MSH4: variants seen among roughly 807,000 people sequenced by gnomAD.
MSH4 encodes mutS homolog 4, also known as mutS protein homolog 4.
In MSH4, 106 loss-of-function variants were observed where a neutral mutation model predicts 113.7. The observed-to-expected ratio is 0.93, with a 90% CI of 0.80 to 1.10. The LOEUF (loss-of-function observed/expected upper bound fraction) is 1.10, where lower values mean the gene tolerates loss of function less well. MSH4 is among the 50% of genes least tolerant of loss of function. MSH4 has a pLI of 0.00. For missense variants in MSH4, 1,061 were observed against 1,093.7 expected, an observed-to-expected ratio of 0.97 and a Z score of 0.42; for synonymous variants, 368 against 380.2, an observed-to-expected ratio of 0.97 and a Z score of 0.37.
chr1:75,821,823 G>T (rs79835994), intron 6 of MSH4, among the ~76,000 whole-genome samples: 33,875 of 152,032 alleles, frequency 0.22, 4,398 homozygotes, highest in Middle Eastern at 0.35. Flanking sequence ...GTCCATGCTG[G>T]TCTTGAACTC....
At chr1:75,836,823 G>A (rs1035777167) in intron 7 of MSH4, among the ~76,000 whole-genome samples, 2 of 151,924 alleles carry the variant, frequency 1.3e-5, no homozygotes, top group Non-Finnish European at 2.9e-5. Context: ...AAATGCTATG[G>A]CTCTTCAAAG....
At chr1:75,883,520 CAGTGTGAAAAT>C in intron 14 of MSH4, 90 bp from the exon 15 acceptor site, 1 of 874,106 alleles carries the variant, frequency 1.1e-6, no homozygotes, top group Non-Finnish European at 1.7e-6. Flanking sequence ...CCAAATTGAC[CAGTGTGAAAAT>C]CACTAAGATA....
chr1:75,898,006 A>T lies in MSH4; in HGVS notation c.2455A>T (p.Asn819Tyr), dbSNP rs764749685. 6.2e-7 allele frequency: 1 copy of T among 1,608,090 alleles called. No individual in the cohort carries two copies. Among genetic ancestry groups the T allele is most frequent in the South Asian group, 1.1e-5 (1 of 89,660 alleles). The change falls in exon 18 of 20, where the codon AAT (asparagine) becomes TAT (tyrosine). Residue 819 changes from asparagine (N) to tyrosine (Y), a missense_variant. Physicochemically the swap from Asn to Tyr is moderately radical, Grantham distance 143. Transcript: ENST00000263187. The stretch of plus-strand genomic sequence containing the variant: ...GCATTTTGAAGTTCAACATGTAAAG[A>T]ATACCTCAAGAAATAAAGAAGCAAT... ...NMHFEVQHVK[N>Y]TSRNKEAILY...
At chr1:75,802,338 T>G (rs1216847413) in intron 1 of MSH4, among the ~76,000 whole-genome samples, 1 of 152,088 alleles carries the variant, frequency 6.6e-6, no homozygotes, top group African/African-American at 2.4e-5. Flanking sequence ...GAGGGAAAGC[T>G]TAAAAGTATG....
chr1:75,822,726 A>T (rs1650449535), intron 7 of MSH4, 145 bp downstream of exon 7: 2 of 439,068 alleles, frequency 4.6e-6, no homozygotes, highest in Non-Finnish European at 7.8e-6. Flanking sequence ...GAAATTTTCT[A>T]CTGAGTCCTG....
At chr1:75,842,905 C>T (rs1650993579) in intron 7 of MSH4, among the ~76,000 whole-genome samples, 1 of 152,216 alleles carries the variant, frequency 6.6e-6, no homozygotes, top group African/African-American at 2.4e-5. Flanking sequence ...CCACAGTTAT[C>T]CGGAGGCCTA....
intron 8 of MSH4, among the ~76,000 whole-genome samples, chr1:75,857,955 G>A (rs993080174): frequency 2.6e-5 from 4 of 152,116 alleles, no homozygotes; most frequent in African/African-American, 9.7e-5. Flanking sequence ...GCAGTGGTTT[G>A]TAGCTCTCCT....
intron 14 of MSH4, among the ~76,000 whole-genome samples, 170 bp from the exon 15 acceptor site, chr1:75,883,451 A>C (rs1320749429): frequency 6.6e-6 from 1 of 152,046 alleles, no homozygotes; most frequent in African/African-American, 2.4e-5. Context: ...TGTGTCCATT[A>C]TAATTTAGAA....
intron 7 of MSH4, among the ~76,000 whole-genome samples, chr1:75,834,628 T>G (rs1340843531): frequency 6.6e-6 from 1 of 152,118 alleles, no homozygotes; most frequent in Non-Finnish European, 1.5e-5. Flanking sequence ...ATGTCCTTTG[T>G]AGGTACATGG....
At chr1:75,875,101 C>A (rs1409999152) in intron 9 of MSH4, among the ~76,000 whole-genome samples, 1 of 152,070 alleles carries the variant, frequency 6.6e-6, no homozygotes, top group Admixed American at 6.5e-5. Flanking sequence ...GCCATGTTGG[C>A]CACACTGGTA....
chr1:75,816,842 G>A (rs556698798), intron 6 of MSH4, among the ~76,000 whole-genome samples: 1 of 152,224 alleles, frequency 6.6e-6, no homozygotes, highest in South Asian at 2.1e-4. Context: ...GGCCAGGCTG[G>A]TCTCAAATTC....
At chr1:75,885,549 A>T (rs1398236920) in intron 15 of MSH4, among the ~76,000 whole-genome samples, 1 of 115,206 alleles carries the variant, frequency 8.7e-6, no homozygotes, top group Non-Finnish European at 1.7e-5. Context: ...TAATGAAGGT[A>T]ATATATATGT....
chr1:75,833,655 A>C (rs1450117495), intron 7 of MSH4, among the ~76,000 whole-genome samples: 1 of 152,198 alleles, frequency 6.6e-6, no homozygotes, highest in Non-Finnish European at 1.5e-5. Flanking sequence ...CTAATCTTTG[A>C]CAAACCTGAC....
At chr1:75,906,017 G>A (rs754826760) in intron 19 of MSH4, among the ~76,000 whole-genome samples, 10 of 151,768 alleles carry the variant, frequency 6.6e-5, no homozygotes, top group Non-Finnish European at 1.3e-4. Flanking sequence ...TTGAGGCAGA[G>A]TTTTGCTCTG....
intron 8 of MSH4, among the ~76,000 whole-genome samples, chr1:75,865,472 A>G (rs1341444769): frequency 1.3e-5 from 2 of 152,174 alleles, no homozygotes; most frequent in Non-Finnish European, 1.5e-5. Flanking sequence ...CCAAGAGGAG[A>G]GGGCATGTCA....
intron 8 of MSH4, among the ~76,000 whole-genome samples, chr1:75,851,504 C>T (rs527702113): frequency 2.0e-5 from 3 of 152,030 alleles, no homozygotes; most frequent in East Asian, 1.9e-4. Context: ...CTCTGTCTCC[C>T]GGCTTCAAGT....
intron 6 of MSH4, among the ~76,000 whole-genome samples, chr1:75,819,772 G>A (rs12724860): frequency 0.25 from 38,363 of 152,078 alleles, 6,250 homozygotes; most frequent in East Asian, 0.68. Context: ...GTGCAGTGGC[G>A]CAATCTCGGC....
At chr1:75,868,879 T>C (rs1351368020) in intron 9 of MSH4, among the ~76,000 whole-genome samples, 1 of 152,334 alleles carries the variant, frequency 6.6e-6, no homozygotes, top group Non-Finnish European at 1.5e-5. Flanking sequence ...CCTTTATAAA[T>C]TTCCCAGTCT....
intron 8 of MSH4, among the ~76,000 whole-genome samples, 164 bp from the exon 9 acceptor site, chr1:75,867,350 T>C (rs935505270): frequency 2.7e-5 from 4 of 148,582 alleles, no homozygotes; most frequent in African/African-American, 1.1e-4. Context: ...AGGTTAATTA[T>C]GGTGGGTCAA....
Sources: gnomAD v4.1 joint callset for allele counts (sites outside exome capture counted in the v4.1 genomes callset) on GRCh38, gnomAD v4.1.1 for gene constraint, MANE v1.5 for transcripts, NCBI Gene and HGNC (gene_info 2026-07-23, HGNC 2026-07-21) for gene names.